The following CCNG1 variants were observed in gnomAD, a reference collection of about 807,000 sequenced individuals.
The protein encoded by CCNG1 is cyclin G1, also known as cyclin-G1.
CCNG1 carries 13 observed loss-of-function variants against 30.0 expected under a neutral mutation model. The observed-to-expected ratio is 0.43, with a 90% CI of 0.28 to 0.69. The LOEUF (loss-of-function observed/expected upper bound fraction) is 0.69, where lower values mean the gene tolerates loss of function less well. Ranked by LOEUF, CCNG1 falls within the 30% of genes least tolerant of loss-of-function variation. The pLI is 0.16. For missense variants in CCNG1, 285 were observed against 331.4 expected, an observed-to-expected ratio of 0.86 and a Z score of 1.09; for synonymous variants, 110 against 121.5, an observed-to-expected ratio of 0.91 and a Z score of 0.62.
At chr5:163,441,744 G>C in intron 3 of CCNG1, 142 bp from the exon 4 acceptor site, 1 of 609,760 alleles carries the variant, frequency 1.6e-6, no homozygotes, top group East Asian at 2.8e-5. Context: ...CTGATGGAAG[G>C]GGAATTCCTT....
the CCNG1 span, chr5:163,457,450 T>G: frequency 9.7e-6 from 7 of 722,770 alleles, no homozygotes; most frequent in Non-Finnish European, 1.4e-5. Context: ...TCAACACATT[T>G]CTATTGCTTT....
chr5:163,447,113 G>T (rs1213306521), downstream of CCNG1: 1 of 152,172 alleles, frequency 6.6e-6, no homozygotes, highest in African/African-American at 2.4e-5. Flanking sequence ...AATTCACCAA[G>T]ACAGTGCTAA....
downstream of CCNG1, chr5:163,447,887 T>G (rs2113395741): frequency 6.6e-6 from 1 of 152,160 alleles, no homozygotes; most frequent in East Asian, 1.9e-4. Context: ...TAAATGAAAA[T>G]ATCACCGTGC....
chr5:163,452,992 G>A, the CCNG1 span: 3 of 152,162 alleles, frequency 2.0e-5, no homozygotes, highest in Non-Finnish European at 4.4e-5. Context: ...GAAGATCTGA[G>A]GATTAGAGGG....
chr5:163,455,735 GAA>G, the CCNG1 span, among the ~76,000 whole-genome samples: 35 of 108,784 alleles, frequency 3.2e-4, no homozygotes, highest in East Asian at 4.7e-4. Flanking sequence ...CTCCATCTCA[GAA>G]AAAAAAAAAA....
chr5:163,456,372 AAAT>A, the CCNG1 span, among the ~76,000 whole-genome samples: 2 of 152,370 alleles, frequency 1.3e-5, no homozygotes, highest in African/African-American at 4.8e-5. Context: ...GCAAACAGCC[AAAT>A]AATGATGACA....
rs746775628 is a variant in CCNG1 at position 163,443,922 on chromosome 5, G to A, written c.*252G>A. 2.0e-6 allele frequency: 1 copy of A among 493,122 alleles called. No individual in the cohort carries two copies. Among genetic ancestry groups the A allele is most frequent in the African/African-American group, 2.0e-5 (1 of 51,148 alleles). The allele number at this position is 493,122 out of a possible 1,614,324, so 30.5% of individuals were successfully genotyped here. ...TGTGAAATGCTAATGACAAGCCTGAGAAGGTAAACTGTGAATCTTCATTTC... is the reference window on the plus strand; with the variant it reads ...TGTGAAATGCTAATGACAAGCCTGAAAAGGTAAACTGTGAATCTTCATTTC... On this transcript the variant is annotated 3_prime_UTR_variant, in exon 7 of 7. Coordinates refer to ENST00000340828, the MANE Select transcript of CCNG1 (RefSeq NM_004060.4).
rs1757998790 is a variant in CCNG1 at position 163,444,951 on chromosome 5, C to G, written c.*1281C>G. Reference sequence around the variant, plus strand: ...TTAATTTTGAGTTGGCAGAGGTAAACTAACCAACTACCATTATGTTTTAGT... The same window carrying G: ...TTAATTTTGAGTTGGCAGAGGTAAAGTAACCAACTACCATTATGTTTTAGT... On this transcript the variant is annotated 3_prime_UTR_variant, in exon 7 of 7. Coordinates refer to ENST00000340828, the MANE Select transcript of CCNG1 (RefSeq NM_004060.4). 1 of 152,498 alleles carries G rather than the reference C, an allele frequency of 6.6e-6. No individual in the cohort carries two copies. The highest frequency in any genetic ancestry group is 2.4e-5 in the African/African-American group (1 of 41,442). 9.4% of individuals were successfully genotyped at this position (152,498 alleles called of 1,614,324 possible). A position where few individuals can be genotyped will look rare whatever the true frequency, so the allele number is the denominator to read the frequency against.
At chr5:163,443,537 C>A in intron 6 of CCNG1, 137 bp from the exon 7 acceptor site, 1 of 590,316 alleles carries the variant, frequency 1.7e-6, no homozygotes, top group Non-Finnish European at 3.0e-6. Context: ...TTATTCTACT[C>A]AAAACTAAAT....
chr5:163,447,057 AC>A (rs535559580), downstream of CCNG1: 21 of 152,332 alleles, frequency 1.4e-4, no homozygotes, highest in Admixed American at 1.3e-3. Flanking sequence ...AGAGTTAGGA[AC>A]AACCAAAATT....
chr5:163,443,688 C>T lies in CCNG1; in HGVS notation c.*18C>T. The T allele has an allele frequency of 1.3e-6, 2 of 1,525,274 alleles. No individual in the cohort carries two copies. Among genetic ancestry groups the T allele is most frequent in the Non-Finnish European group, 1.8e-6 (2 of 1,138,300 alleles). 94.5% of individuals were successfully genotyped at this position (1,525,274 alleles called of 1,614,324 possible). On this transcript the variant is annotated 3_prime_UTR_variant, in exon 7 of 7. Coordinates refer to ENST00000340828, the MANE Select transcript of CCNG1 (RefSeq NM_004060.4). ...TATTTAAATAGGATTATTACAGCACCAAAAAACTTCTCTGAAGCCTTTCTC... is the reference window on the plus strand; with the variant it reads ...TATTTAAATAGGATTATTACAGCACTAAAAAACTTCTCTGAAGCCTTTCTC...
At chr5:163,440,962 A>G in intron 2 of CCNG1, 116 bp from the exon 3 acceptor site, 1 of 1,135,282 alleles carries the variant, frequency 8.8e-7, no homozygotes, top group Non-Finnish European at 1.2e-6. Flanking sequence ...CAGCTGAGAA[A>G]TAAACCTCAA....
chr5:163,448,299 C>T (rs1023011656), downstream of CCNG1: 1 of 151,384 alleles, frequency 6.6e-6, no homozygotes, highest in South Asian at 2.1e-4. Context: ...AATTGATAAA[C>T]CTCTGGCAAA....
At chr5:163,447,494 G>A (rs1340534500), downstream of CCNG1, 1 of 150,746 alleles carries the variant, frequency 6.6e-6, no homozygotes, top group Non-Finnish European at 1.5e-5. Context: ...TTAAAAGGAG[G>A]ACTGGACAAA....
the CCNG1 span, chr5:163,451,560 T>A: frequency 6.6e-6 from 1 of 152,080 alleles, no homozygotes; most frequent in Non-Finnish European, 1.5e-5. Context: ...TCAAAGAGAA[T>A]AAAATTAAAA....
chr5:163,453,809 G>A, the CCNG1 span: 1 of 428,840 alleles, frequency 2.3e-6, no homozygotes, highest in African/African-American at 2.0e-5. Context: ...CATTTCCTAT[G>A]TAAATTATGT....
In CCNG1 at chr5:163,444,445, AAATT is replaced by A. The variant is rs1392898381; in HGVS notation, c.*777_*780del. On this transcript the variant is annotated 3_prime_UTR_variant, in exon 7 of 7. Transcript: ENST00000340828. ...TTCTATTGTATTAGTAACTCAAAAT[AAATT>A]ATCACTTCGAAAACTTGCTTTCCCA... The A allele has an allele frequency of 1.3e-5, 2 of 152,616 alleles. No individual in the cohort carries two copies. The highest frequency in any genetic ancestry group is 2.4e-5 in the African/African-American group (1 of 41,458). The allele number at this position is 152,616 out of a possible 1,614,324, so 9.5% of individuals were successfully genotyped here.
chr5:163,438,757 G>A (rs558363303), intron 1 of CCNG1, among the ~76,000 whole-genome samples: 1 of 152,182 alleles, frequency 6.6e-6, no homozygotes, highest in East Asian at 1.9e-4. Context: ...ACCGGGCGCG[G>A]TGGCTCACGC....
intron 3 of CCNG1, 197 bp from the exon 4 acceptor site, chr5:163,441,689 A>C (rs1469655860): frequency 3.7e-6 from 2 of 542,718 alleles, no homozygotes; most frequent in Non-Finnish European, 6.5e-6. Flanking sequence ...TTTTTGGCCC[A>C]AATCATCTAA....
Sources: allele counts gnomAD v4.1 joint callset (sites outside exome capture counted in the v4.1 genomes callset), GRCh38; gene constraint gnomAD v4.1.1; transcripts MANE v1.5; gene names NCBI Gene and HGNC (gene_info 2026-07-23, HGNC 2026-07-21).